Variants in TJP1 observed in about 807,000 individuals in gnomAD.
TJP1 encodes the protein tight junction protein ZO-1.
TJP1 carries 43 observed loss-of-function variants against 194.2 expected under a neutral mutation model. The observed-to-expected ratio is 0.22, with a 90% CI of 0.17 to 0.29. TJP1 has a LOEUF of 0.29. TJP1 is among the 10% of genes least tolerant of loss of function. The pLI is 1.00. For missense variants in TJP1, 1,971 were observed against 2,185.7 expected (o/e 0.90, Z 1.96); for synonymous variants, 801 against 779.0 (o/e 1.03, Z -0.47).
chr15:29,755,739 G>A (rs2045602541), intron 8 of TJP1, among the ~76,000 whole-genome samples: 1 of 152,094 alleles, frequency 6.6e-6, no homozygotes, highest in Admixed American at 6.5e-5. Flanking sequence ...AAACACTTTA[G>A]AAAACAGTTT....
rs557527021 is a variant in TJP1 at position 29,802,944 on chromosome 15, A to G, written c.28-2242T>C. Among the ~76,000 whole-genome samples the G allele has an allele frequency of 3.2e-4, 48 of 152,286 alleles. 1 individual carries two copies. The highest frequency in any genetic ancestry group is 5.9e-4 in the Non-Finnish European group (40 of 68,010). Reference sequence around the variant, plus strand: ...CATCATCCTCTCTAAGGTCTTAATGAACACAGTTTTCCATTTTGTAAGAAG... The same window carrying G: ...CATCATCCTCTCTAAGGTCTTAATGGACACAGTTTTCCATTTTGTAAGAAG... On this transcript the variant is annotated intron_variant, in intron 1 of 27. Coordinates refer to ENST00000614355, the MANE Select transcript of TJP1 (RefSeq NM_001330239.4).
intron 2 of TJP1, among the ~76,000 whole-genome samples, chr15:29,799,421 T>C (rs915741192): frequency 6.6e-6 from 1 of 151,878 alleles, no homozygotes; most frequent in Non-Finnish European, 1.5e-5. Flanking sequence ...AAAAAATTTT[T>C]TTTTTTTTTT....
At chr15:29,782,499 A>C (rs978227879) in intron 2 of TJP1, among the ~76,000 whole-genome samples, 10 of 152,226 alleles carry the variant, frequency 6.6e-5, no homozygotes, top group Admixed American at 3.3e-4. Flanking sequence ...CATATGCAGA[A>C]GATTGAAACT....
At chr15:29,875,037 G>C (rs9672537) in intron 2 of TJP1, among the ~76,000 whole-genome samples, 32,750 of 152,164 alleles carry the variant, frequency 0.22, 3,781 homozygotes, top group Middle Eastern at 0.28. Flanking sequence ...AAGCAGAAAA[G>C]TGACTTGCCT....
chr15:29,860,420 T>C (rs927176629), intron 2 of TJP1, among the ~76,000 whole-genome samples: 2 of 152,148 alleles, frequency 1.3e-5, no homozygotes, highest in African/African-American at 2.4e-5. Context: ...GCCCTTGCCC[T>C]AGGATCACCC....
rs556008218 is a variant in TJP1, at chr15:29,855,933, C to G, written c.307-55231G>C. ...CGGTCTGCTAAATATTAAAACAGGA[C>G]ATAAAGGTACACTTATTAAAACGTA... On this transcript the variant is annotated intron_variant, in intron 2 of 28. Transcript: ENST00000356107. 5.3e-5 allele frequency among the ~76,000 whole-genome samples: 8 copies of G among 151,856 alleles called. No individual in the cohort carries two copies. The South Asian group carries it at 1.7e-3, about 32-fold the overall frequency.
intron 2 of TJP1, among the ~76,000 whole-genome samples, chr15:29,841,407 T>C (rs1444992887): frequency 6.6e-6 from 1 of 152,202 alleles, no homozygotes; most frequent in African/African-American, 2.4e-5. Context: ...GGCTCTTAAC[T>C]ACTCATTAAA....
In TJP1 at chr15:29,732,940, T is replaced by C. The variant is rs192499684; in HGVS notation, c.1737-125A>G. 9.1e-5 allele frequency: 113 copies of C among 1,247,436 alleles called. No homozygotes were observed. The African/African-American group carries it at 1.5e-3, about 17-fold the overall frequency. 77.3% of individuals were successfully genotyped at this position (1,247,436 alleles called of 1,614,324 possible). The stretch of plus-strand genomic sequence containing the variant: ...CATACAGTTTAAATCTTAATGGTTA[T>C]AATAAAGAGGAGTTTGTAAACCTAA... On this transcript the variant is annotated intron_variant, in intron 13 of 27. Coordinates refer to ENST00000614355, the MANE Select transcript of TJP1 (RefSeq NM_001330239.4).
intron 1 of TJP1, among the ~76,000 whole-genome samples, chr15:29,958,287 T>C (rs2056021580): frequency 6.9e-6 from 1 of 145,328 alleles, no homozygotes; most frequent in Admixed American, 7.1e-5. Flanking sequence ...TCTCTCTCTT[T>C]TTAGTTTTTT....
chr15:29,949,977 T>C (rs916238714), intron 2 of TJP1, among the ~76,000 whole-genome samples: 53 of 2,996 alleles, frequency 0.018, no homozygotes, highest in Admixed American at 0.02. Context: ...ACAACCATCT[T>C]CACCACCACC....
At chr15:29,850,627 G>A (rs2051605720) in intron 2 of TJP1, among the ~76,000 whole-genome samples, 1 of 151,562 alleles carries the variant, frequency 6.6e-6, no homozygotes, top group Admixed American at 6.6e-5. Context: ...GAGCCACCGC[G>A]CCCAGCCAAA....
chr15:29,760,308 T>C, intron 8 of TJP1: 1 of 700,860 alleles, frequency 1.4e-6, no homozygotes, highest in South Asian at 1.5e-5. Context: ...TACGTGTGAC[T>C]CTAAAGAAAG....
At chr15:29,820,486 C>T (rs945044655) in intron 1 of TJP1, 2 of 715,466 alleles carry the variant, frequency 2.8e-6, no homozygotes, top group Non-Finnish European at 5.2e-6. Context: ...ATATGCCATA[C>T]AAATCTCAAT....
intron 2 of TJP1, among the ~76,000 whole-genome samples, chr15:29,793,596 T>C (rs921024987): frequency 3.9e-5 from 6 of 152,054 alleles, no homozygotes; most frequent in East Asian, 3.9e-4. Context: ...GGAACACACA[T>C]GGCCAGAGTA....
chr15:29,790,268 C>G (rs1315768231), intron 2 of TJP1, among the ~76,000 whole-genome samples: 1 of 152,170 alleles, frequency 6.6e-6, no homozygotes, highest in Non-Finnish European at 1.5e-5. Context: ...CTTAGAACAC[C>G]AAACAACTAA....
intron 2 of TJP1, among the ~76,000 whole-genome samples, chr15:29,853,990 T>C (rs1187487575): frequency 6.6e-6 from 1 of 152,162 alleles, no homozygotes; most frequent in Non-Finnish European, 1.5e-5. Flanking sequence ...TAGATTTCCA[T>C]GAATTCTGCA....
At chr15:29,920,785 G>A (rs1332622835) in intron 2 of TJP1, among the ~76,000 whole-genome samples, 2 of 152,180 alleles carry the variant, frequency 1.3e-5, no homozygotes, top group Non-Finnish European at 2.9e-5. Flanking sequence ...TCCCGAAGCT[G>A]ATTCAGGAAT....
At chr15:29,775,640 C>T (rs893396502) in intron 2 of TJP1, among the ~76,000 whole-genome samples, 2 of 151,902 alleles carry the variant, frequency 1.3e-5, no homozygotes, top group South Asian at 2.1e-4. Context: ...CAAAACCATA[C>T]ACTCATCATA....
Position 29,726,357 on chromosome 15 carries a change from AAAGT to A in TJP1, c.2412+18_2412+21del, listed in dbSNP as rs1162785889. ...TACATAATTTACTGAACAAGTCAAA[AAAGT>A]AATAGGAAATGTCTTACCTTTCCCT... On this transcript the variant is annotated intron_variant, in intron 18 of 27. Coordinates refer to ENST00000614355, the MANE Select transcript of TJP1 (RefSeq NM_001330239.4). The A allele has an allele frequency of 1.9e-6, 3 of 1,602,150 alleles. No individual in the cohort carries two copies. Among genetic ancestry groups the A allele is most frequent in the African/African-American group, 2.7e-5 (2 of 74,660 alleles).
Sources: allele counts gnomAD v4.1 joint callset (sites outside exome capture counted in the v4.1 genomes callset), GRCh38; gene constraint gnomAD v4.1.1; transcripts MANE v1.5; gene names NCBI Gene and HGNC (gene_info 2026-07-23, HGNC 2026-07-21).